The following CRACD variants were observed in gnomAD, a reference collection of about 807,000 sequenced individuals.
The protein encoded by CRACD is capping protein-inhibiting regulator of actin dynamics.
Under a neutral mutation model 106.8 loss-of-function variants are expected in CRACD, and 56 were observed. The ratio of observed to expected loss-of-function variants is 0.52; its 90% CI spans 0.42 to 0.66. The LOEUF (loss-of-function observed/expected upper bound fraction) is 0.66, where lower values mean the gene tolerates loss of function less well. CRACD is among the 30% of genes least tolerant of loss of function. The pLI, the probability that CRACD is intolerant of heterozygous loss-of-function variation, is 0.00. For missense variants in CRACD, 1,730 were observed against 1,623.2 expected (o/e 1.07, Z -1.13); for synonymous variants, 754 against 670.8 (o/e 1.12, Z -1.92).
At chr4:56,123,420 A>C (rs1039482903) in intron 1 of CRACD, among the ~76,000 whole-genome samples, 1 of 152,166 alleles carries the variant, frequency 6.6e-6, no homozygotes, top group African/African-American at 2.4e-5. Context: ...GCAGGGAGAG[A>C]ATTATCTATC....
intron 1 of CRACD, among the ~76,000 whole-genome samples, chr4:56,100,572 C>A (rs1183923686): frequency 6.6e-6 from 1 of 152,120 alleles, no homozygotes; most frequent in African/African-American, 2.4e-5. Flanking sequence ...ACCACCAGTA[C>A]CTTAGAATGT....
intron 2 of CRACD, among the ~76,000 whole-genome samples, chr4:56,239,132 A>C (rs562118357): frequency 7.8e-4 from 118 of 152,180 alleles, no homozygotes; most frequent in African/African-American, 2.7e-3. Context: ...GTCTCTACTA[A>C]AACTACAAAA....
At chr4:56,256,769 G>T (rs1741380887) in intron 2 of CRACD, among the ~76,000 whole-genome samples, 1 of 152,158 alleles carries the variant, frequency 6.6e-6, no homozygotes, top group Non-Finnish European at 1.5e-5. Context: ...CATATCTGTG[G>T]AATGTAAACC....
At chr4:56,085,132 A>G (rs1047733896) in intron 1 of CRACD, among the ~76,000 whole-genome samples, 1 of 152,156 alleles carries the variant, frequency 6.6e-6, no homozygotes, top group Non-Finnish European at 1.5e-5. Flanking sequence ...CTCCACAAGC[A>G]TTCTTTTCCA....
chr4:56,235,907 A>T (rs1303734692), intron 2 of CRACD, among the ~76,000 whole-genome samples: 1 of 152,140 alleles, frequency 6.6e-6, no homozygotes, highest in East Asian at 1.9e-4. Flanking sequence ...TTAAGACAAG[A>T]ACATGTTTAC....
chr4:56,305,779 C>T (rs1034945415), intron 4 of CRACD, among the ~76,000 whole-genome samples: 10 of 152,150 alleles, frequency 6.6e-5, no homozygotes, highest in Non-Finnish European at 1.0e-4. Flanking sequence ...GGGCTTATCT[C>T]TATTATATCT....
rs367806725 is a variant in CRACD, at chr4:56,315,976, C to A, written c.2474C>A (p.Ala825Glu). ...EFTTSSDSET[A>E]NGIAKPDPVM... ...ACGACCTCGTCGGACAGCGAGACTG[C>A]AAACGGGATAGCAAAGCCAGACCCT... The change falls in exon 8 of 11, where the codon GCA becomes GAA. Residue 825 changes from alanine (A) to glutamate (E), a missense_variant. Coordinates refer to ENST00000682029, the MANE Select transcript of CRACD (RefSeq NM_001393381.1). This position sits in a 1 kb window ranked among gnomAD's most constrained non-coding sequence, Gnocchi z 4.1. The A allele has an allele frequency of 1.9e-5, 30 of 1,614,090 alleles. No individual in the cohort carries two copies. Among genetic ancestry groups the A allele is most frequent in the Middle Eastern group, 1.6e-4 (1 of 6,084 alleles).
chr4:56,288,834 T>C (rs1206519621), intron 3 of CRACD, among the ~76,000 whole-genome samples: 1 of 152,230 alleles, frequency 6.6e-6, no homozygotes, highest in East Asian at 1.9e-4. Context: ...CCCATGTTCA[T>C]TGCAGTGCTA....
At chr4:56,163,038 A>C (rs943568250) in intron 1 of CRACD, among the ~76,000 whole-genome samples, 1 of 152,184 alleles carries the variant, frequency 6.6e-6, no homozygotes, top group African/African-American at 2.4e-5. Flanking sequence ...TGTGGGCTAC[A>C]TGTGACCAAT....
At chr4:56,267,211 C>G (rs1009093264) in intron 2 of CRACD, among the ~76,000 whole-genome samples, 6 of 151,712 alleles carry the variant, frequency 4.0e-5, no homozygotes, top group African/African-American at 1.2e-4. Flanking sequence ...ACCTCTGCCT[C>G]CCGGGTTCAA....
intron 7 of CRACD, 96 bp downstream of exon 7, chr4:56,313,475 G>A: frequency 9.3e-7 from 1 of 1,070,126 alleles, no homozygotes; most frequent in South Asian, 1.5e-5. Context: ...GCCATGTAAA[G>A]ACCTGAGAGT....
At chr4:56,289,509 G>A (rs1743580363) in intron 3 of CRACD, among the ~76,000 whole-genome samples, 1 of 151,746 alleles carries the variant, frequency 6.6e-6, no homozygotes, top group South Asian at 2.1e-4. Context: ...CCATCTTTAT[G>A]AAAAAAATAA....
Position 56,316,556 on chromosome 4 carries a change from C to G in CRACD, c.3054C>G (p.Pro1018=), listed in dbSNP as rs1324528359. The G allele has an allele frequency of 6.2e-7, 1 of 1,613,256 alleles. No homozygotes were observed. Among genetic ancestry groups the G allele is most frequent in the Non-Finnish European group, 8.5e-7 (1 of 1,179,624 alleles). ...GCAGTGACCGCCGGCCACCCTCGCCCCCAGGCCCCGAGGAAAGGAAGGGAC... is the reference window on the plus strand; with the variant it reads ...GCAGTGACCGCCGGCCACCCTCGCCGCCAGGCCCCGAGGAAAGGAAGGGAC... ...QESSDRRPPS[P]PGPEERKGQK... Residue 1018 remains proline (P), a synonymous_variant, in exon 8 of 11, where the codon CCC becomes CCG. Coordinates refer to ENST00000682029, the MANE Select transcript of CRACD (RefSeq NM_001393381.1).
chr4:56,142,979 T>A (rs1203700375), intron 1 of CRACD, among the ~76,000 whole-genome samples: 1 of 151,964 alleles, frequency 6.6e-6, no homozygotes, highest in Non-Finnish European at 1.5e-5. Flanking sequence ...AAGCTCCTTT[T>A]CATTGATTTT....
chr4:56,133,383 T>A (rs1398796897), intron 1 of CRACD, among the ~76,000 whole-genome samples: 2 of 152,240 alleles, frequency 1.3e-5, no homozygotes, highest in South Asian at 4.1e-4. Context: ...TGATTGTGGT[T>A]ATTTTGCAAT....
At chr4:56,096,421 A>G (rs1733601074) in intron 1 of CRACD, among the ~76,000 whole-genome samples, 1 of 151,976 alleles carries the variant, frequency 6.6e-6, no homozygotes, top group African/African-American at 2.4e-5. Flanking sequence ...TTTCAGGAAT[A>G]GAGGATATGG....
intron 1 of CRACD, among the ~76,000 whole-genome samples, chr4:56,124,705 CTT>C (rs202150886): frequency 6.6e-6 from 1 of 152,026 alleles, no homozygotes; most frequent in Non-Finnish European, 1.5e-5. Flanking sequence ...CATTGCCTCT[CTT>C]TTTTTTCTTA....
Position 56,316,170 on chromosome 4 carries a change from C to T in CRACD, c.2668C>T (p.Arg890Cys), listed in dbSNP as rs770838860. The T allele has an allele frequency of 2.5e-6, 4 of 1,613,992 alleles. No homozygotes were observed. Among genetic ancestry groups the T allele is most frequent in the Admixed American group, 3.3e-5 (2 of 60,008 alleles). The stretch of plus-strand genomic sequence containing the variant: ...AGGGCCGCCTGCAGCGGGGAGCGCT[C>T]GTGGAGAGAAAGAGATGGAGGGTGT... ...DAGPPAAGSA[R>C]GEKEMEGVAL... Residue 890 changes from arginine (R) to cysteine (C), a missense_variant, in exon 8 of 11, where the codon CGT becomes TGT. This residue lies in a region of CRACD where 1,620 missense variants were observed against 1,481.6 expected (regional missense o/e 1.09). Coordinates refer to ENST00000682029, the MANE Select transcript of CRACD (RefSeq NM_001393381.1).
At chr4:56,051,128 T>A (rs1048600098) in intron 1 of CRACD, among the ~76,000 whole-genome samples, 1 of 152,236 alleles carries the variant, frequency 6.6e-6, no homozygotes, top group Non-Finnish European at 1.5e-5. Flanking sequence ...AGGGACAATC[T>A]TTTAGTCTTT....
Sources: allele counts gnomAD v4.1 joint callset (sites outside exome capture counted in the v4.1 genomes callset), GRCh38; gene constraint gnomAD v4.1.1; regional missense constraint gnomAD v4.1.1; non-coding constraint Gnocchi (gnomAD v3.1); transcripts MANE v1.5; gene names NCBI Gene and HGNC (gene_info 2026-07-23, HGNC 2026-07-21).